KLRG1: variants seen among roughly 807,000 people sequenced by gnomAD.
The protein encoded by KLRG1 is killer cell lectin like receptor G1.
KLRG1 carries 16 observed loss-of-function variants against 21.8 expected under a neutral mutation model. The ratio of observed to expected loss-of-function variants is 0.73; its 90% CI spans 0.50 to 1.11. The LOEUF (loss-of-function observed/expected upper bound fraction) is 1.11, where lower values mean the gene tolerates loss of function less well. Among genes scored for constraint, KLRG1 ranks in the 50% most tolerant of loss-of-function variants. The pLI is 0.00. For missense variants in KLRG1, 173 were observed against 218.3 expected (o/e 0.79, Z 1.31); for synonymous variants, 69 against 75.9 (o/e 0.91, Z 0.47).
the KLRG1 span, among the ~76,000 whole-genome samples, chr12:9,043,021 C>T: frequency 6.6e-6 from 1 of 151,688 alleles, no homozygotes; most frequent in Non-Finnish European, 1.5e-5. Flanking sequence ...ATATTTATGC[C>T]CTTATCCTTT....
At chr12:9,146,205 C>T in the KLRG1 span, among the ~76,000 whole-genome samples, 1 of 151,866 alleles carries the variant, frequency 6.6e-6, no homozygotes, top group Non-Finnish European at 1.5e-5. Flanking sequence ...AGGTTTTCTA[C>T]ACTTTTTATT....
rs1176080465 is a variant in KLRG1 at position 8,979,520 on chromosome 12, A to C, written c.-155-12686A>C. ...TCTTTGTCTTACCTTTAACAATTTAATTATAATGTGTCTAGGTGTAGACTT... is the reference window on the plus strand; with the variant it reads ...TCTTTGTCTTACCTTTAACAATTTACTTATAATGTGTCTAGGTGTAGACTT... On this transcript the variant is annotated intron_variant, in intron 1 of 4. Coordinates refer to the KLRG1 transcript ENST00000539240. 2.0e-5 allele frequency among the ~76,000 whole-genome samples: 3 copies of C among 152,150 alleles called. No homozygotes were observed. The East Asian group carries it at 5.8e-4, about 29-fold the overall frequency.
the KLRG1 span, among the ~76,000 whole-genome samples, chr12:9,032,780 G>A: frequency 7.9e-5 from 12 of 152,126 alleles, no homozygotes; most frequent in South Asian, 2.1e-3. Context: ...CAGCTGACTC[G>A]GGCCAGACCT....
the KLRG1 span, among the ~76,000 whole-genome samples, chr12:9,144,802 G>A: frequency 6.6e-6 from 1 of 152,148 alleles, no homozygotes; most frequent in Non-Finnish European, 1.5e-5. Context: ...AGGTTATCTT[G>A]GGGCAGGCAT....
At chr12:9,080,676 A>G in the KLRG1 span, among the ~76,000 whole-genome samples, 1 of 152,244 alleles carries the variant, frequency 6.6e-6, no homozygotes, top group Non-Finnish European at 1.5e-5. Flanking sequence ...TTTTTATGGA[A>G]AACCTAGAAA....
chr12:9,113,962 A>G, the KLRG1 span, among the ~76,000 whole-genome samples: 1 of 152,250 alleles, frequency 6.6e-6, no homozygotes, highest in Non-Finnish European at 1.5e-5. Flanking sequence ...TAAAATATAT[A>G]TACACACATA....
At chr12:9,127,323 G>A in the KLRG1 span, among the ~76,000 whole-genome samples, 1 of 152,212 alleles carries the variant, frequency 6.6e-6, no homozygotes, top group African/African-American at 2.4e-5. Flanking sequence ...TCCATGGTGA[G>A]TTTAGGAGCT....
At chr12:8,976,112 G>T (rs951784380) in intron 1 of KLRG1, among the ~76,000 whole-genome samples, 1 of 151,924 alleles carries the variant, frequency 6.6e-6, no homozygotes, top group Non-Finnish European at 1.5e-5. Flanking sequence ...TGCTCTAAAG[G>T]TTCCTCTTAG....
chr12:9,194,604 A>G, the KLRG1 span, among the ~76,000 whole-genome samples: 1 of 151,752 alleles, frequency 6.6e-6, no homozygotes, highest in Non-Finnish European at 1.5e-5. Flanking sequence ...AGCTGGGACT[A>G]CAGGCGCCCG....
chr12:8,981,946 T>A (rs1474726317), intron 1 of KLRG1, among the ~76,000 whole-genome samples: 1 of 152,234 alleles, frequency 6.6e-6, no homozygotes, highest in African/African-American at 2.4e-5. Context: ...TTGTTATATA[T>A]GCTTGATGCA....
At chr12:9,214,685 C>T in the KLRG1 span, among the ~76,000 whole-genome samples, 2 of 151,794 alleles carry the variant, frequency 1.3e-5, no homozygotes, top group African/African-American at 4.8e-5. Context: ...GCAATGCGTC[C>T]GTCCAGATAG....
the KLRG1 span, chr12:9,152,127 G>A: frequency 1.1e-6 from 1 of 952,050 alleles, no homozygotes; most frequent in Non-Finnish European, 1.7e-6. Context: ...GAGGCAGGAT[G>A]ATGTTGACAT....
the KLRG1 span, chr12:9,149,124 G>T: frequency 1.3e-6 from 1 of 783,262 alleles, no homozygotes; most frequent in Non-Finnish European, 2.2e-6. Flanking sequence ...ATTATTTTAG[G>T]TTTATATGCC....
At chr12:9,157,765 A>G in the KLRG1 span, 1 of 1,613,038 alleles carries the variant, frequency 6.2e-7, no homozygotes, top group Non-Finnish European at 8.5e-7. Flanking sequence ...GCTGGTACCT[A>G]CAGTGACTGG....
intron 1 of KLRG1, among the ~76,000 whole-genome samples, chr12:8,973,783 A>T (rs757591773): frequency 9.2e-5 from 14 of 152,332 alleles, no homozygotes; most frequent in Non-Finnish European, 2.1e-4. Context: ...CTTTGGCTAA[A>T]TAGAAATAAA....
chr12:9,128,849 T>G, the KLRG1 span, among the ~76,000 whole-genome samples: 5 of 152,202 alleles, frequency 3.3e-5, no homozygotes, highest in Non-Finnish European at 5.9e-5. Context: ...GTGGGGTGAC[T>G]GGGTCTGCGG....
the KLRG1 span, chr12:9,167,577 C>G: frequency 6.6e-6 from 1 of 152,172 alleles, no homozygotes; most frequent in African/African-American, 2.4e-5. Flanking sequence ...TCATTGTTCT[C>G]TGTAGTCATG....
chr12:9,171,672 A>T, the KLRG1 span, among the ~76,000 whole-genome samples: 1 of 152,230 alleles, frequency 6.6e-6, no homozygotes, highest in Admixed American at 6.5e-5. Context: ...TGAAAACCGC[A>T]TCTCAAGAAC....
the KLRG1 span, among the ~76,000 whole-genome samples, chr12:9,052,098 T>G: frequency 6.6e-6 from 1 of 152,196 alleles, no homozygotes; most frequent in Non-Finnish European, 1.5e-5. Flanking sequence ...TAAGAGCGTC[T>G]GCAGGCATGG....
Sources: gnomAD v4.1 joint callset for allele counts (sites outside exome capture counted in the v4.1 genomes callset) on GRCh38, gnomAD v4.1.1 for gene constraint, MANE v1.5 for transcripts, NCBI Gene and HGNC (gene_info 2026-07-23, HGNC 2026-07-21) for gene names.